CNTN4: variants seen among roughly 807,000 people sequenced by gnomAD.
CNTN4 encodes contactin 4.
CNTN4 carries 77 observed loss-of-function variants against 122.5 expected under a neutral mutation model. The observed-to-expected ratio is 0.63, with a 90% CI of 0.52 to 0.76. CNTN4 has a LOEUF of 0.76. Ranked by LOEUF, CNTN4 falls within the 30% of genes least tolerant of loss-of-function variation. CNTN4 has a pLI of 0.00. For synonymous variants in CNTN4, 512 were observed against 447.0 expected (o/e 1.15, Z -1.83); for missense variants, 1,256 against 1,259.1 (o/e 1.00, Z 0.04).
chr3:2,554,591 G>C (rs2078645056), intron 3 of CNTN4, among the ~76,000 whole-genome samples: 1 of 152,112 alleles, frequency 6.6e-6, no homozygotes, highest in East Asian at 1.9e-4. Context: ...TTGTAAGTGG[G>C]TAGGTAGTAA....
chr3:2,499,021 C>T (rs1575775898), intron 3 of CNTN4, among the ~76,000 whole-genome samples: 4 of 152,112 alleles, frequency 2.6e-5, no homozygotes, highest in Admixed American at 2.6e-4. Context: ...AACTCCTGAC[C>T]TCAAGTGTTT....
intron 4 of CNTN4, chr3:2,735,858 C>T: frequency 2.3e-6 from 1 of 431,390 alleles, no homozygotes; most frequent in Non-Finnish European, 4.5e-6. Context: ...GACAGCCATC[C>T]ACAATGACAG....
chr3:2,729,480 G>C (rs902698306), intron 4 of CNTN4, among the ~76,000 whole-genome samples: 5 of 139,918 alleles, frequency 3.6e-5, no homozygotes, highest in Non-Finnish European at 6.1e-5. Flanking sequence ...GGAGGTGGAG[G>C]TTGCAGTGAG....
chr3:2,395,656 G>C (rs1385788701), intron 3 of CNTN4, among the ~76,000 whole-genome samples: 1 of 152,048 alleles, frequency 6.6e-6, no homozygotes, highest in Admixed American at 6.6e-5. Context: ...ATGTCCATGT[G>C]CACCCAGCGT....
intron 4 of CNTN4, among the ~76,000 whole-genome samples, chr3:2,631,886 A>AAAAAAAAAAAAAAC (rs2082451118): frequency 7.2e-6 from 1 of 139,752 alleles, no homozygotes; most frequent in African/African-American, 3.2e-5. Flanking sequence ...AAACAAAAAA[A>AAAAAAAAAAAAAAC]AACAACAACT....
intron 4 of CNTN4, among the ~76,000 whole-genome samples, chr3:2,664,514 A>T (rs564854817): frequency 6.6e-6 from 1 of 152,306 alleles, no homozygotes; most frequent in South Asian, 2.1e-4. Context: ...TTTCAATATC[A>T]AAATTATCTT....
intron 3 of CNTN4, among the ~76,000 whole-genome samples, chr3:2,515,611 T>C (rs2077018136): frequency 1.3e-5 from 2 of 152,156 alleles, no homozygotes; most frequent in African/African-American, 4.8e-5. Flanking sequence ...TTTTTAATGA[T>C]ACACTTCTTG....
At chr3:2,233,351 G>A (rs933962386) in intron 2 of CNTN4, among the ~76,000 whole-genome samples, 7 of 151,992 alleles carry the variant, frequency 4.6e-5, no homozygotes, top group Non-Finnish European at 8.8e-5. Context: ...TAACTCCACC[G>A]TATGGCCTCT....
intron 13 of CNTN4, among the ~76,000 whole-genome samples, chr3:2,972,018 C>T (rs141377233): frequency 2.1e-3 from 313 of 152,044 alleles, no homozygotes; most frequent in Non-Finnish European, 3.6e-3. Flanking sequence ...TATAAAAATC[C>T]AGCCTCCTAT....
At chr3:2,361,009 T>C (rs2150542420) in intron 3 of CNTN4, among the ~76,000 whole-genome samples, 1 of 152,308 alleles carries the variant, frequency 6.6e-6, no homozygotes, top group African/African-American at 2.4e-5. Flanking sequence ...CTGTGGCTCT[T>C]TTGTGGGTAT....
intron 9 of CNTN4, among the ~76,000 whole-genome samples, chr3:2,883,645 G>A (rs1465891945): frequency 1.3e-5 from 2 of 152,182 alleles, no homozygotes; most frequent in South Asian, 2.1e-4. Context: ...TATAGAGGAT[G>A]CATCAGACTT....
chr3:2,235,095 G>A (rs2039630906), intron 2 of CNTN4, among the ~76,000 whole-genome samples: 1 of 152,154 alleles, frequency 6.6e-6, no homozygotes. Flanking sequence ...AAAGAACCAA[G>A]TGGCAGAGAA....
intron 7 of CNTN4, among the ~76,000 whole-genome samples, chr3:2,825,504 G>T (rs2150322209): frequency 6.6e-6 from 1 of 152,232 alleles, no homozygotes. Context: ...TTACAGGTGT[G>T]AGCCATCGCA....
chr3:3,006,771 A>G (rs560205238), intron 14 of CNTN4, among the ~76,000 whole-genome samples: 2 of 152,276 alleles, frequency 1.3e-5, no homozygotes, highest in Non-Finnish European at 2.9e-5. Flanking sequence ...GCTCTATACC[A>G]TGGAACAATT....
intron 3 of CNTN4, among the ~76,000 whole-genome samples, chr3:2,384,277 C>T (rs747720271): frequency 2.0e-5 from 3 of 152,142 alleles, no homozygotes. Flanking sequence ...CTTAAGTTCA[C>T]TACTTCTGAG....
At chr3:2,791,532 C>A (rs1422713528) in intron 6 of CNTN4, among the ~76,000 whole-genome samples, 23 of 143,016 alleles carry the variant, frequency 1.6e-4, no homozygotes, top group Non-Finnish European at 1.2e-4. Context: ...GATCCTGTCT[C>A]AAAAAAAAAA....
intron 12 of CNTN4, among the ~76,000 whole-genome samples, chr3:2,918,559 C>T (rs1448048097): frequency 1.3e-5 from 2 of 152,168 alleles, no homozygotes; most frequent in African/African-American, 2.4e-5. Context: ...CTCAACCCAG[C>T]GTTCAGTGAC....
chr3:3,054,459 GTC>G (rs1406248051), intron 24 of CNTN4, among the ~76,000 whole-genome samples: 8 of 152,198 alleles, frequency 5.3e-5, no homozygotes, highest in African/African-American at 1.7e-4. Flanking sequence ...CAATGTGTAT[GTC>G]TCTCTATAGT....
chr3:2,706,133 T>C (rs889137312), intron 4 of CNTN4, among the ~76,000 whole-genome samples: 1 of 150,872 alleles, frequency 6.6e-6, no homozygotes, highest in Non-Finnish European at 1.5e-5. Context: ...TCTAGCAGAA[T>C]AGCCAAATGA....
Sources: gnomAD v4.1 joint callset for allele counts (sites outside exome capture counted in the v4.1 genomes callset) on GRCh38, gnomAD v4.1.1 for gene constraint, MANE v1.5 for transcripts, NCBI Gene and HGNC (gene_info 2026-07-23, HGNC 2026-07-21) for gene names.